KCNMA1: variants seen among roughly 807,000 people sequenced by gnomAD.
The protein encoded by KCNMA1 is potassium calcium-activated channel subfamily M alpha 1.
In KCNMA1, 29 loss-of-function variants were observed where a neutral mutation model predicts 140.0. The observed-to-expected ratio is 0.21, with a 90% CI of 0.15 to 0.28. KCNMA1 has a LOEUF of 0.28. KCNMA1 is among the 10% of genes least tolerant of loss of function. The probability of loss-of-function intolerance (pLI) is 1.00; values close to 1 mark genes in which losing one functional copy is unlikely to be tolerated. For missense variants in KCNMA1, 880 were observed against 1,602.2 expected, an observed-to-expected ratio of 0.55 and a Z score of 7.70; for synonymous variants, 612 against 611.9, an observed-to-expected ratio of 1.00 and a Z score of 0.00.
intron 1 of KCNMA1, among the ~76,000 whole-genome samples, chr10:77,490,204 A>G (rs2098515301): frequency 6.6e-6 from 1 of 152,160 alleles, no homozygotes; most frequent in African/African-American, 2.4e-5. Flanking sequence ...AACAGTCGAG[A>G]ATTATTGGGT....
At position 76,889,564 on chromosome 10, in the gene KCNMA1, A is replaced by G; in HGVS notation, c.3348T>C (p.Gly1116=). ...LDGPFADLGD[G]GCYGDLFCKA... ...TGCAGAACAGATCACCATAACAACC[A>G]CCATCCTGGGAGACAGCAAAAGAAC... is the stretch of plus-strand genomic sequence containing the variant. The change falls in exon 27 of 28, where the codon GGT becomes GGC. Residue 1116 remains glycine, a synonymous_variant. Coordinates refer to ENST00000286628, the MANE Select transcript of KCNMA1 (RefSeq NM_001161352.2). 1 of 1,608,518 alleles carries G rather than the reference A, an allele frequency of 6.2e-7. No homozygotes were observed. The highest frequency in any genetic ancestry group is 8.5e-7 in the Non-Finnish European group (1 of 1,174,936).
At chr10:77,008,838 G>T (rs1213411401) in intron 18 of KCNMA1, among the ~76,000 whole-genome samples, 1 of 152,270 alleles carries the variant, frequency 6.6e-6, no homozygotes, top group Non-Finnish European at 1.5e-5. Flanking sequence ...AGCAATGTCT[G>T]TTCGAAGGCA....
intron 3 of KCNMA1, among the ~76,000 whole-genome samples, chr10:77,220,584 G>A (rs1243283160): frequency 6.6e-6 from 1 of 152,140 alleles, no homozygotes; most frequent in East Asian, 1.9e-4. Flanking sequence ...TGCATACAAA[G>A]GGGCCATTCT....
intron 16 of KCNMA1, among the ~76,000 whole-genome samples, chr10:77,024,973 C>A (rs2093262935): frequency 6.6e-6 from 1 of 151,718 alleles, no homozygotes; most frequent in African/African-American, 2.4e-5. Flanking sequence ...GGTATGTAGA[C>A]AAAATGGCAC....
At position 77,184,801 on chromosome 10, in the gene KCNMA1, G is replaced by A. The variant is rs2154127640; in HGVS notation, c.696+22C>T. ...GACTGAAACACCCCATTGTGATACTGAACAATGTTGCACAAACTTACCCGC... is the reference window on the plus strand; with the variant it reads ...GACTGAAACACCCCATTGTGATACTAAACAATGTTGCACAAACTTACCCGC... On this transcript the variant is annotated intron_variant, in intron 4 of 27. Coordinates refer to ENST00000286628, the MANE Select transcript of KCNMA1 (RefSeq NM_001161352.2). 4 of 1,460,294 alleles carry A rather than the reference G, an allele frequency of 2.7e-6. No homozygotes were observed. In the South Asian group the frequency reaches 3.4e-5, roughly 12 times the overall value. The allele number at this position is 1,460,294 out of a possible 1,614,324, so 90.5% of individuals were successfully genotyped here. A position where few individuals can be genotyped will look rare whatever the true frequency, so the allele number is the denominator to read the frequency against.
At chr10:77,318,480 C>T (rs1160430125) in intron 2 of KCNMA1, among the ~76,000 whole-genome samples, 2 of 152,130 alleles carry the variant, frequency 1.3e-5, no homozygotes, top group East Asian at 3.9e-4. Flanking sequence ...CAGAGGGCCC[C>T]ATGGGTCTCC....
intron 19 of KCNMA1, among the ~76,000 whole-genome samples, chr10:76,982,997 C>G (rs1048636433): frequency 3.9e-5 from 6 of 152,166 alleles, no homozygotes; most frequent in African/African-American, 1.4e-4. Flanking sequence ...TCCTCACAGC[C>G]CAGCCAGGTA....
chr10:77,207,256 G>C (rs188588387), intron 3 of KCNMA1, among the ~76,000 whole-genome samples: 25 of 152,152 alleles, frequency 1.6e-4, no homozygotes, highest in Non-Finnish European at 2.9e-4. Flanking sequence ...CACACTTAAA[G>C]TATCTTTACA....
Position 77,086,491 on chromosome 10 carries a change from G to A in KCNMA1, c.1437C>T (p.Val479=), listed in dbSNP as rs753282969. The A allele has an allele frequency of 1.2e-6, 2 of 1,608,028 alleles. No individual in the cohort carries two copies. The highest frequency in any genetic ancestry group is 1.7e-6 in the Non-Finnish European group (2 of 1,174,424). Residue 479 remains valine, a synonymous_variant, in exon 11 of 28, where the codon GTC becomes GTT. Transcript: ENST00000286628. ...SVLNPHDLAR[V]KIESADACLI... is the part of the protein sequence containing the mutation. ...GAAGTCACCTCTTCCTCCTTACCTT[G>A]ACTCTTGCAAGATCATGTGGATTGA... is the stretch of plus-strand genomic sequence containing the variant.
intron 3 of KCNMA1, among the ~76,000 whole-genome samples, chr10:77,200,911 G>T (rs2042246331): frequency 6.6e-6 from 1 of 152,158 alleles, no homozygotes; most frequent in Non-Finnish European, 1.5e-5. Context: ...AAAGAACTTG[G>T]TTAGTCATAC....
chr10:77,056,339 C>A (rs1594905405), intron 14 of KCNMA1, among the ~76,000 whole-genome samples: 1 of 152,150 alleles, frequency 6.6e-6, no homozygotes, highest in East Asian at 1.9e-4. Flanking sequence ...GAGATTGCAC[C>A]ACTGCACTCC....
chr10:77,435,596 C>T (rs2097245655), intron 1 of KCNMA1, among the ~76,000 whole-genome samples: 1 of 152,206 alleles, frequency 6.6e-6, no homozygotes, highest in Non-Finnish European at 1.5e-5. Context: ...TAGAAGGTAT[C>T]TGCTACACCA....
chr10:76,927,481 G>T (rs753304159), intron 23 of KCNMA1, among the ~76,000 whole-genome samples: 1 of 152,070 alleles, frequency 6.6e-6, no homozygotes, highest in African/African-American at 2.4e-5. Flanking sequence ...ATGCTATCTC[G>T]GGCATTGTGG....
At chr10:76,909,886 C>G in intron 25 of KCNMA1, 80 bp downstream of exon 25, 3 of 1,497,672 alleles carry the variant, frequency 2.0e-6, no homozygotes, top group Non-Finnish European at 2.7e-6. Flanking sequence ...CCCAGTGCAG[C>G]CCAGGGCCTC....
chr10:77,247,409 G>A (rs147376555), intron 3 of KCNMA1, among the ~76,000 whole-genome samples: 75 of 152,200 alleles, frequency 4.9e-4, no homozygotes, highest in African/African-American at 1.8e-3. Context: ...AAGAATTGCT[G>A]TTCTTGTGTC....
chr10:77,541,705 C>A (rs2060217566), intron 1 of KCNMA1, among the ~76,000 whole-genome samples: 1 of 152,030 alleles, frequency 6.6e-6, no homozygotes, highest in Admixed American at 6.5e-5. Flanking sequence ...TAAGAAAGAA[C>A]AATCTACTGG....
At chr10:77,200,235 G>C (rs2042025416) in intron 3 of KCNMA1, among the ~76,000 whole-genome samples, 1 of 152,168 alleles carries the variant, frequency 6.6e-6, no homozygotes, top group African/African-American at 2.4e-5. Flanking sequence ...ACAAGTGTGA[G>C]CCACCACGCC....
At position 77,397,942 on chromosome 10, in the gene KCNMA1, G is replaced by C. The variant is rs527400002; in HGVS notation, c.540+5920C>G. On this transcript the variant is annotated intron_variant, in intron 2 of 27. Coordinates refer to ENST00000286628, the MANE Select transcript of KCNMA1 (RefSeq NM_001161352.2). ...CCATCCATGTTGCTGCAAAAGACAT[G>C]ATTTCATTCTTTTTTATGGCTGAAT... is the stretch of plus-strand genomic sequence containing the variant. 3.9e-4 allele frequency among the ~76,000 whole-genome samples: 60 copies of C among 152,014 alleles called. 1 individual carries two copies. The South Asian group carries it at 0.012, about 31-fold the overall frequency.
At chr10:77,467,996 T>C (rs1050310494) in intron 1 of KCNMA1, among the ~76,000 whole-genome samples, 1 of 152,128 alleles carries the variant, frequency 6.6e-6, no homozygotes, top group African/African-American at 2.4e-5. Context: ...CTTGTTTTTA[T>C]TTTTATTTTT....
Sources: gnomAD v4.1 joint callset for allele counts (sites outside exome capture counted in the v4.1 genomes callset) on GRCh38, gnomAD v4.1.1 for gene constraint, MANE v1.5 for transcripts, NCBI Gene and HGNC (gene_info 2026-07-23, HGNC 2026-07-21) for gene names.